NEBL: variants seen among roughly 807,000 people sequenced by gnomAD.
The protein encoded by NEBL is nebulette, also known as LIM and SH3 protein 2.
NEBL carries 122 observed loss-of-function variants against 140.2 expected under a neutral mutation model. The ratio of observed to expected loss-of-function variants is 0.87; its 90% CI spans 0.75 to 1.01. The LOEUF (loss-of-function observed/expected upper bound fraction) is 1.01, where lower values mean the gene tolerates loss of function less well. Ranked by LOEUF, NEBL falls within the 50% of genes least tolerant of loss-of-function variation. NEBL has a pLI of 0.00. For synonymous variants in NEBL, 436 were observed against 398.9 expected (o/e 1.09, Z -1.11); for missense variants, 1,365 against 1,231.3 (o/e 1.11, Z -1.62).
At chr10:21,122,022 T>TTGTTGC (rs1396641051) in intron 2 of NEBL, among the ~76,000 whole-genome samples, 1 of 151,812 alleles carries the variant, frequency 6.6e-6, no homozygotes, top group African/African-American at 2.4e-5. Flanking sequence ...GTTGTTGTTG[T>TTGTTGC]TGTTGTTGTT....
intron 3 of NEBL, among the ~76,000 whole-genome samples, chr10:20,992,423 G>A (rs1218856177): frequency 6.6e-6 from 1 of 152,188 alleles, no homozygotes; most frequent in East Asian, 1.9e-4. Context: ...ATTCCAAAGA[G>A]AACATGGGGA....
intron 1 of NEBL, among the ~76,000 whole-genome samples, chr10:21,289,846 G>T (rs771395011): frequency 6.6e-6 from 1 of 152,186 alleles, no homozygotes; most frequent in African/African-American, 2.4e-5. Context: ...CCTGCTTATT[G>T]TTCCATTGAA....
chr10:20,845,878 G>T (rs1282484007), intron 11 of NEBL, among the ~76,000 whole-genome samples: 5 of 152,064 alleles, frequency 3.3e-5, no homozygotes, highest in Non-Finnish European at 7.4e-5. Context: ...TTAGGGAGGG[G>T]GTTTCCCTTT....
intron 26 of NEBL, among the ~76,000 whole-genome samples, chr10:20,802,322 G>A (rs930904835): frequency 6.6e-6 from 1 of 152,300 alleles, no homozygotes. Flanking sequence ...AAGGAGCTGT[G>A]TGTCAAATAA....
rs1835267917 is a variant in NEBL, at chr10:20,784,711, T to G, written c.*1036A>C. 6.6e-6 allele frequency: 1 copy of G among 152,224 alleles called. No homozygotes were observed. The highest frequency in any genetic ancestry group is 1.5e-5 in the Non-Finnish European group (1 of 68,040). The allele number at this position is 152,224 out of a possible 1,614,324, so 9.4% of individuals were successfully genotyped here. On this transcript the variant is annotated 3_prime_UTR_variant, in exon 28 of 28. Transcript: ENST00000377122. The stretch of plus-strand genomic sequence containing the variant: ...ATTTTCTTCACTTTGAAATCAATGG[T>G]GGCATTAAGTTAATCAAAGCTGTTC...
intron 3 of NEBL, among the ~76,000 whole-genome samples, chr10:21,215,960 C>T (rs1218623676): frequency 6.6e-6 from 1 of 152,150 alleles, no homozygotes; most frequent in Non-Finnish European, 1.5e-5. Context: ...CGTGAGCCAC[C>T]GCACCTGCCC....
At chr10:20,948,904 C>T (rs988766181) in intron 4 of NEBL, among the ~76,000 whole-genome samples, 2 of 152,178 alleles carry the variant, frequency 1.3e-5, no homozygotes, top group Non-Finnish European at 2.9e-5. Flanking sequence ...GGAAACCAAA[C>T]AGCACTAAAA....
chr10:21,114,137 C>T (rs1298730791), intron 2 of NEBL, among the ~76,000 whole-genome samples: 1 of 151,896 alleles, frequency 6.6e-6, no homozygotes, highest in East Asian at 1.9e-4. Context: ...TTTTCATTTA[C>T]TTCAAAATAT....
chr10:20,946,344 A>T (rs1398309749), intron 4 of NEBL, among the ~76,000 whole-genome samples: 1 of 152,216 alleles, frequency 6.6e-6, no homozygotes, highest in Non-Finnish European at 1.5e-5. Flanking sequence ...TGCTACTGGT[A>T]GTTAGCAGGA....
chr10:21,253,683 A>C (rs1842618245), intron 1 of NEBL, among the ~76,000 whole-genome samples: 1 of 151,366 alleles, frequency 6.6e-6, no homozygotes, highest in Admixed American at 6.6e-5. Flanking sequence ...AGCTGGGATT[A>C]CAGGTGCCTG....
intron 7 of NEBL, among the ~76,000 whole-genome samples, chr10:20,865,292 G>C (rs1310871369): frequency 6.6e-6 from 1 of 152,074 alleles, no homozygotes; most frequent in Non-Finnish European, 1.5e-5. Context: ...TATGGGCCAG[G>C]CACCATTTTA....
chr10:21,169,062 AAAAAAATATATATATATATATATATATAT>A (rs1252045437), intron 2 of NEBL, among the ~76,000 whole-genome samples: 2 of 57,646 alleles, frequency 3.5e-5, no homozygotes, highest in African/African-American at 1.4e-4. Context: ...AAAAAAAAAA[AAAAAAATATATATATATATATATATATAT>A]ATATATATAT....
intron 3 of NEBL, among the ~76,000 whole-genome samples, chr10:20,970,621 C>CCA (rs1836528925): frequency 6.6e-6 from 1 of 151,698 alleles, no homozygotes; most frequent in South Asian, 2.1e-4. Flanking sequence ...TGCACTCCAG[C>CCA]CTGGAAAACA....
At chr10:21,022,824 G>A (rs1034607490) in intron 2 of NEBL, among the ~76,000 whole-genome samples, 3 of 152,140 alleles carry the variant, frequency 2.0e-5, no homozygotes, top group Non-Finnish European at 2.9e-5. Context: ...CACAGCATTC[G>A]GTTCTGCCTC....
intron 22 of NEBL, among the ~76,000 whole-genome samples, chr10:20,814,422 C>A (rs952327549): frequency 6.6e-6 from 1 of 151,472 alleles, no homozygotes; most frequent in African/African-American, 2.4e-5. Context: ...ACAGTGAAAC[C>A]CCCCATCTCT....
chr10:20,941,161 G>T (rs1251491210), intron 4 of NEBL, among the ~76,000 whole-genome samples: 2 of 152,192 alleles, frequency 1.3e-5, no homozygotes, highest in African/African-American at 4.8e-5. Context: ...CAATATCCCT[G>T]ATGAACATTG....
chr10:20,990,344 A>G (rs1837412123), intron 3 of NEBL, among the ~76,000 whole-genome samples: 1 of 152,184 alleles, frequency 6.6e-6, no homozygotes, highest in Non-Finnish European at 1.5e-5. Flanking sequence ...CTCCAGTGTG[A>G]TGATATTTGA....
intron 2 of NEBL, among the ~76,000 whole-genome samples, chr10:21,022,404 G>T (rs1159823056): frequency 6.6e-6 from 1 of 152,152 alleles, no homozygotes; most frequent in Non-Finnish European, 1.5e-5. Flanking sequence ...CCTACCCAAA[G>T]CACGCTAGCA....
At chr10:20,961,829 C>T (rs1836064974) in intron 3 of NEBL, 10 of 1,416,122 alleles carry the variant, frequency 7.1e-6, no homozygotes, top group Non-Finnish European at 1.0e-5. Context: ...ACGAATCCCA[C>T]TCGGGATAGG....
Sources: allele counts gnomAD v4.1 joint callset (sites outside exome capture counted in the v4.1 genomes callset), GRCh38; gene constraint gnomAD v4.1.1; transcripts MANE v1.5; gene names NCBI Gene and HGNC (gene_info 2026-07-23, HGNC 2026-07-21).